The following CYP2C19 variants were observed in gnomAD, a reference collection of about 807,000 sequenced individuals.
CYP2C19 encodes the protein cytochrome P450 family 2 subfamily C member 19, also known as cytochrome P450 2C19.
Under a neutral mutation model 40.9 loss-of-function variants are expected in CYP2C19, and 59 were observed. That is an observed-to-expected ratio of 1.44 (90% CI 1.17 to 1.79). The LOEUF (loss-of-function observed/expected upper bound fraction) is 1.79. Among genes scored for constraint, CYP2C19 ranks in the 40% most tolerant of loss-of-function variants. The pLI, the probability that CYP2C19 is intolerant of heterozygous loss-of-function variation, is 0.00. For missense variants in CYP2C19, 754 were observed against 596.9 expected (o/e 1.26, Z -2.74); for synonymous variants, 253 against 208.7 (o/e 1.21, Z -1.83).
intron 1 of CYP2C19, chr10:94,774,255 C>T (rs1564660671): frequency 6.6e-6 from 1 of 152,036 alleles, no homozygotes; most frequent in African/African-American, 2.4e-5. Flanking sequence ...ACCGGTAAAA[C>T]TTCAGGGGGT....
In CYP2C19 at chr10:94,855,235, A is replaced by G. The variant is rs1786638887; in HGVS notation, c.*2321A>G. The stretch of plus-strand genomic sequence containing the variant: ...CAGTGTAATCTCTTCATGTCCAGAC[A>G]TTATTTAGCCTACCATACTATTATT... On this transcript the variant is annotated 3_prime_UTR_variant, in exon 9 of 9. Coordinates refer to ENST00000371321, the MANE Select transcript of CYP2C19 (RefSeq NM_000769.4). Among the ~76,000 whole-genome samples, 1 of 152,186 alleles carries G rather than the reference A, an allele frequency of 6.6e-6. No individual in the cohort carries two copies. The highest frequency in any genetic ancestry group is 1.5e-5 in the Non-Finnish European group (1 of 68,030).
At chr10:94,831,185 A>T (rs1849329504) in intron 6 of CYP2C19, among the ~76,000 whole-genome samples, 1 of 152,116 alleles carries the variant, frequency 6.6e-6, no homozygotes, top group Admixed American at 6.5e-5. Context: ...AATTTCATTC[A>T]TGTTGTTGCA....
At chr10:94,782,054 A>G in intron 5 of CYP2C19, 57 bp downstream of exon 5, 1 of 1,428,400 alleles carries the variant, frequency 7.0e-7, no homozygotes, top group East Asian at 2.7e-5. Flanking sequence ...TGATTCATTG[A>G]CTAGTTTTGT....
intron 5 of CYP2C19, among the ~76,000 whole-genome samples, chr10:94,792,214 G>C (rs1848614324): frequency 6.6e-6 from 1 of 152,038 alleles, no homozygotes; most frequent in Non-Finnish European, 1.5e-5. Flanking sequence ...CCATTTACTT[G>C]GTAGATCTTC....
intron 6 of CYP2C19, among the ~76,000 whole-genome samples, chr10:94,839,348 G>T (rs1392552402): frequency 6.6e-6 from 1 of 152,032 alleles, no homozygotes; most frequent in Non-Finnish European, 1.5e-5. Flanking sequence ...CTGCTAATCG[G>T]ATTACTTATG....
rs571867237 is a variant in CYP2C19, at chr10:94,791,159, G to A, written c.819+9162G>A. On this transcript the variant is annotated intron_variant, in intron 5 of 8. Transcript: ENST00000371321. ...GATTTTCTAGTTTATTTGCGTAGAGGTGTTTATAGTAATCTCTGATGGTAG... is the reference window on the plus strand; with the variant it reads ...GATTTTCTAGTTTATTTGCGTAGAGATGTTTATAGTAATCTCTGATGGTAG... Among the ~76,000 whole-genome samples the A allele has an allele frequency of 9.2e-5, 14 of 152,232 alleles. No individual in the cohort carries two copies. In the South Asian group the frequency reaches 2.1e-3, roughly 23 times the overall value.
chr10:94,837,240 G>C (rs1849418623), intron 6 of CYP2C19, among the ~76,000 whole-genome samples: 2 of 152,172 alleles, frequency 1.3e-5, no homozygotes, highest in South Asian at 4.1e-4. Flanking sequence ...AGGGGCTATT[G>C]CATGGTTTTA....
chr10:94,805,647 G>T lies in CYP2C19; in HGVS notation c.820-14849G>T, dbSNP rs539210692. On this transcript the variant is annotated intron_variant, in intron 5 of 8. Transcript: ENST00000371321. ...GCCTGTAATCCCAGCACTTTGGGAG[G>T]TTGAGGTGGGCAGATTTCATGAGCT... 7.2e-5 allele frequency among the ~76,000 whole-genome samples: 11 copies of T among 152,302 alleles called. 1 individual carries two copies. Among genetic ancestry groups the T allele is most frequent in the Admixed American group, 7.2e-4 (11 of 15,284 alleles).
At position 94,852,881 on chromosome 10, in the gene CYP2C19, G is replaced by C. The variant is rs28399514; in HGVS notation, c.1440G>C (p.Pro480=). ...TPVVNGFASV[P]PFYQLCFIPV ...TTGTCAATGGATTTGCTTCTGTCCC[G>C]CCCTTCTATCAGCTGTGCTTCATTC... Residue 480 remains proline (P), a synonymous_variant, in exon 9 of 9, where the codon CCG becomes CCC. Coordinates refer to ENST00000371321, the MANE Select transcript of CYP2C19 (RefSeq NM_000769.4). 3 of 1,613,742 alleles carry C rather than the reference G, an allele frequency of 1.9e-6. No homozygotes were observed. The highest frequency in any genetic ancestry group is 1.3e-5 in the African/African-American group (1 of 74,852).
chr10:94,844,392 T>C (rs1398147419), intron 7 of CYP2C19, among the ~76,000 whole-genome samples: 1 of 152,194 alleles, frequency 6.6e-6, no homozygotes, highest in Non-Finnish European at 1.5e-5. Flanking sequence ...TGACTGTCAG[T>C]GTTAGCTTAG....
At chr10:94,764,604 G>T (rs986514855) in intron 1 of CYP2C19, among the ~76,000 whole-genome samples, 6 of 152,054 alleles carry the variant, frequency 3.9e-5, no homozygotes, top group Non-Finnish European at 5.9e-5. Context: ...GCTGGAGAGG[G>T]GTGAAGAAGG....
At chr10:94,830,710 T>G in intron 6 of CYP2C19, among the ~76,000 whole-genome samples, 1 of 152,316 alleles carries the variant, frequency 6.6e-6, no homozygotes, top group Middle Eastern at 3.4e-3. Context: ...TTATATTACT[T>G]ATATATACTA....
chr10:94,824,596 G>C (rs1006125448), intron 6 of CYP2C19, among the ~76,000 whole-genome samples: 8 of 151,922 alleles, frequency 5.3e-5, no homozygotes, highest in Non-Finnish European at 1.2e-4. Context: ...ATTAATTCCT[G>C]TTTTTTTCCA....
chr10:94,810,160 G>A (rs180952676), intron 5 of CYP2C19, among the ~76,000 whole-genome samples: 136 of 152,256 alleles, frequency 8.9e-4, no homozygotes, highest in Middle Eastern at 3.4e-3. Context: ...AATTATAGGC[G>A]TGAGCCACGT....
At chr10:94,810,970 A>T (rs551240950) in intron 5 of CYP2C19, among the ~76,000 whole-genome samples, 16 of 152,132 alleles carry the variant, frequency 1.1e-4, no homozygotes, top group African/African-American at 2.4e-4. Flanking sequence ...TTTAAATGTG[A>T]TGTTAGGGTG....
intron 5 of CYP2C19, among the ~76,000 whole-genome samples, chr10:94,790,253 A>T (rs1848588637): frequency 6.6e-6 from 1 of 152,112 alleles, no homozygotes. Flanking sequence ...GGCTGAGACA[A>T]TGGGGATTTC....
intron 5 of CYP2C19, among the ~76,000 whole-genome samples, chr10:94,783,651 G>A (rs769240994): frequency 7.9e-5 from 12 of 152,018 alleles, no homozygotes; most frequent in Non-Finnish European, 1.2e-4. Flanking sequence ...ATTGATCTAT[G>A]TGTCTGTCCT....
At chr10:94,811,925 C>A (rs1848931279) in intron 5 of CYP2C19, among the ~76,000 whole-genome samples, 1 of 150,858 alleles carries the variant, frequency 6.6e-6, no homozygotes, top group African/African-American at 2.4e-5. Flanking sequence ...ATGATGCTAG[C>A]TGATTATTTT....
intron 5 of CYP2C19, among the ~76,000 whole-genome samples, chr10:94,808,604 G>T (rs1848869216): frequency 6.6e-6 from 1 of 152,038 alleles, no homozygotes; most frequent in Non-Finnish European, 1.5e-5. Flanking sequence ...CCCAGCCTCT[G>T]GTAACCATCT....
Sources: gnomAD v4.1 joint callset for allele counts (sites outside exome capture counted in the v4.1 genomes callset) on GRCh38, gnomAD v4.1.1 for gene constraint, MANE v1.5 for transcripts, NCBI Gene and HGNC (gene_info 2026-07-23, HGNC 2026-07-21) for gene names.